The following KCND3 variants were observed in gnomAD, a reference collection of about 807,000 sequenced individuals.
KCND3 encodes the protein potassium voltage-gated channel subfamily D member 3, also known as A-type voltage-gated potassium channel KCND3.
A neutral mutation model predicts 51.1 loss-of-function variants in KCND3; 9 were observed. The observed-to-expected ratio is 0.18, with a 90% CI of 0.11 to 0.31. The LOEUF (loss-of-function observed/expected upper bound fraction) is 0.31, where lower values mean the gene tolerates loss of function less well. Among genes scored for constraint, KCND3 ranks in the 10% least tolerant of loss-of-function variants. The probability of loss-of-function intolerance (pLI) is 1.00; values close to 1 mark genes in which losing one functional copy is unlikely to be tolerated. For missense variants in KCND3, 526 were observed against 903.8 expected (o/e 0.58, Z 5.36); for synonymous variants, 349 against 368.0 (o/e 0.95, Z 0.59).
intron 2 of KCND3, among the ~76,000 whole-genome samples, chr1:111,809,156 G>A (rs180887037): frequency 6.6e-6 from 1 of 152,326 alleles, no homozygotes; most frequent in African/African-American, 2.4e-5. Context: ...CTGGGCCGCT[G>A]TTGAAGGTAG....
At position 111,942,099 on chromosome 1, in the gene KCND3, G is replaced by A. The variant is rs184690085; in HGVS notation, c.1106+39522C>T. On this transcript the variant is annotated intron_variant, in intron 2 of 7. Coordinates refer to ENST00000302127, the MANE Select transcript of KCND3 (RefSeq NM_001378969.1). Reference sequence around the variant, plus strand: ...CTGAACCCTGGTGGGCACAAGCCACGTCCACATAATTCAATAATGGAAATA... The same window carrying A: ...CTGAACCCTGGTGGGCACAAGCCACATCCACATAATTCAATAATGGAAATA... Among the ~76,000 whole-genome samples, 899 of 152,226 alleles carry A rather than the reference G, an allele frequency of 5.9e-3. 1 individual carries two copies. Among genetic ancestry groups the A allele is most frequent in the Non-Finnish European group, 9.3e-3 (635 of 68,010 alleles).
chr1:111,896,124 C>T (rs899718610), intron 2 of KCND3, among the ~76,000 whole-genome samples: 15 of 152,232 alleles, frequency 9.9e-5, no homozygotes, highest in African/African-American at 3.6e-4. Context: ...ACCAGCCCCA[C>T]GGTGCTGAGG....
intron 5 of KCND3, 77 bp from the exon 6 acceptor site, chr1:111,778,569 T>C: frequency 1.5e-6 from 2 of 1,354,990 alleles, no homozygotes; most frequent in Non-Finnish European, 1.1e-6. Context: ...AGTTTTGACA[T>C]TCAATCTCTT....
chr1:111,841,189 G>A (rs1025140271), intron 2 of KCND3, among the ~76,000 whole-genome samples: 3 of 152,176 alleles, frequency 2.0e-5, no homozygotes, highest in Non-Finnish European at 2.9e-5. Context: ...TTGGGACATC[G>A]TCATCTGGGA....
intron 2 of KCND3, among the ~76,000 whole-genome samples, chr1:111,789,330 G>A (rs757392840): frequency 6.6e-6 from 1 of 152,212 alleles, no homozygotes; most frequent in Non-Finnish European, 1.5e-5. Context: ...CTTCTCCACC[G>A]GGAATAAGGA....
chr1:111,774,879 AG>A lies in KCND3; in HGVS notation c.*1197del, dbSNP rs1206206036. The A allele has an allele frequency of 3.3e-5, 5 of 152,220 alleles. No homozygotes were observed. The East Asian group carries it at 9.6e-4, about 29-fold the overall frequency. 9.4% of individuals were successfully genotyped at this position (152,220 alleles called of 1,614,324 possible). ...GGTGGGTCTTGAAGGAAGGGTCCAT[AG>A]CAAGGTGCCCTAATGACCGGCTGAG... On this transcript the variant is annotated 3_prime_UTR_variant, in exon 8 of 8. Coordinates refer to ENST00000302127, the MANE Select transcript of KCND3 (RefSeq NM_001378969.1).
In KCND3 at chr1:111,775,820, C is replaced by G; in HGVS notation, c.*257G>C. On this transcript the variant is annotated 3_prime_UTR_variant, in exon 8 of 8. Coordinates refer to ENST00000302127, the MANE Select transcript of KCND3 (RefSeq NM_001378969.1). ...CCTATATCCCCCGGCCTATCCCCGACCCCCCCACCCTCCCTCCCTTCCTCT... is the reference window on the plus strand; with the variant it reads ...CCTATATCCCCCGGCCTATCCCCGAGCCCCCCACCCTCCCTCCCTTCCTCT... 3.7e-4 allele frequency: 46 copies of G among 124,962 alleles called. 1 individual carries two copies. Among genetic ancestry groups the G allele is most frequent in the Middle Eastern group, 3.9e-3 (1 of 258 alleles). 7.7% of individuals were successfully genotyped at this position (124,962 alleles called of 1,614,324 possible).
At chr1:111,779,970 C>T (rs1187497733) in intron 5 of KCND3, among the ~76,000 whole-genome samples, 3 of 152,310 alleles carry the variant, frequency 2.0e-5, no homozygotes, top group South Asian at 2.1e-4. Flanking sequence ...GCTGTGGAGA[C>T]GAGTGTAGGA....
At chr1:111,907,542 C>T (rs1458912381) in intron 2 of KCND3, among the ~76,000 whole-genome samples, 1 of 152,214 alleles carries the variant, frequency 6.6e-6, no homozygotes, top group African/African-American at 2.4e-5. Context: ...CTCTGGCTGA[C>T]ATCCTGACTA....
At chr1:111,938,229 T>G (rs1672315263) in intron 2 of KCND3, among the ~76,000 whole-genome samples, 1 of 152,200 alleles carries the variant, frequency 6.6e-6, no homozygotes, top group Non-Finnish European at 1.5e-5. Flanking sequence ...GACCTGCCTC[T>G]GGCCGAGGTC....
chr1:111,792,671 C>A (rs1329121651), intron 2 of KCND3, among the ~76,000 whole-genome samples: 1 of 152,100 alleles, frequency 6.6e-6, no homozygotes, highest in East Asian at 1.9e-4. Flanking sequence ...AGTTTCCTGG[C>A]ATTGATCAAT....
intron 1 of KCND3, among the ~76,000 whole-genome samples, chr1:111,988,143 A>G (rs1285832057): frequency 6.6e-6 from 1 of 152,168 alleles, no homozygotes; most frequent in Non-Finnish European, 1.5e-5. Context: ...ACTTTCCACA[A>G]TCTCACATCA....
intron 2 of KCND3, among the ~76,000 whole-genome samples, chr1:111,849,239 G>A (rs556996989): frequency 5.9e-5 from 9 of 152,300 alleles, no homozygotes; most frequent in East Asian, 3.9e-4. Context: ...AGTGACTCTC[G>A]ACTCTTAATT....
At chr1:111,883,987 C>T (rs557216899) in intron 2 of KCND3, among the ~76,000 whole-genome samples, 3 of 152,284 alleles carry the variant, frequency 2.0e-5, no homozygotes, top group East Asian at 3.9e-4. Flanking sequence ...CGTGGGATTC[C>T]GATGCAGATC....
In KCND3 at chr1:111,933,431, G is replaced by A. The variant is rs146496349; in HGVS notation, c.1106+48190C>T. Among the ~76,000 whole-genome samples, 119 of 152,292 alleles carry A rather than the reference G, an allele frequency of 7.8e-4. 1 individual carries two copies. The highest frequency in any genetic ancestry group is 2.8e-3 in the African/African-American group (118 of 41,560). ...TGTTAGCTTATAAAGGAGGTCAGGG[G>A]CAGAGTCCAGAGAAAAACTTACCCC... On this transcript the variant is annotated intron_variant, in intron 2 of 7. Coordinates refer to ENST00000302127, the MANE Select transcript of KCND3 (RefSeq NM_001378969.1).
At chr1:111,917,043 G>T (rs756362219) in intron 2 of KCND3, among the ~76,000 whole-genome samples, 1 of 151,980 alleles carries the variant, frequency 6.6e-6, no homozygotes, top group Non-Finnish European at 1.5e-5. Flanking sequence ...AAAAAAGAAC[G>T]CCCATATGAT....
In KCND3 at chr1:111,865,274, G is replaced by A. The variant is rs116005071; in HGVS notation, c.1107-78168C>T. Among the ~76,000 whole-genome samples, 661 of 152,326 alleles carry A rather than the reference G, an allele frequency of 4.3e-3. 5 individuals carry two copies. Among genetic ancestry groups the A allele is most frequent in the African/African-American group, 0.015 (620 of 41,574 alleles). ...TTCCTAACACAAGAATTCACAGAAC[G>A]GCCACAGGTCTTGCCTTCGGCTATT... On this transcript the variant is annotated intron_variant, in intron 2 of 7. Transcript: ENST00000302127.
chr1:111,792,526 C>T (rs910296945), intron 2 of KCND3, among the ~76,000 whole-genome samples: 1 of 152,184 alleles, frequency 6.6e-6, no homozygotes, highest in Admixed American at 6.5e-5. Context: ...TTCTCTCCAC[C>T]TCCGCTCAGT....
chr1:111,925,359 G>C (rs1378807322), intron 2 of KCND3, among the ~76,000 whole-genome samples: 1 of 152,242 alleles, frequency 6.6e-6, no homozygotes, highest in Non-Finnish European at 1.5e-5. Flanking sequence ...AAGCTAGCAA[G>C]TGGCTGGGCT....
Sources: gnomAD v4.1 joint callset for allele counts (sites outside exome capture counted in the v4.1 genomes callset) on GRCh38, gnomAD v4.1.1 for gene constraint, MANE v1.5 for transcripts, NCBI Gene and HGNC (gene_info 2026-07-23, HGNC 2026-07-21) for gene names.